The following GARNL3 variants were observed in gnomAD, a reference collection of about 807,000 sequenced individuals.
GARNL3 encodes GTPase-activating Rap/Ran-GAP domain-like protein 3.
GARNL3 carries 63 observed loss-of-function variants against 125.0 expected under a neutral mutation model. The ratio of observed to expected loss-of-function variants is 0.50; its 90% CI spans 0.41 to 0.62. The LOEUF (loss-of-function observed/expected upper bound fraction) is 0.62. GARNL3 is among the 20% of genes least tolerant of loss of function. The pLI is 0.00. For missense variants in GARNL3, 994 were observed against 1,244.0 expected, an observed-to-expected ratio of 0.80 and a Z score of 3.02; for synonymous variants, 439 against 457.5, an observed-to-expected ratio of 0.96 and a Z score of 0.52.
chr9:127,241,765 G>GTTTGT (rs892503182), intron 1 of GARNL3, among the ~76,000 whole-genome samples: 10 of 136,804 alleles, frequency 7.3e-5, no homozygotes, highest in East Asian at 6.1e-4. Flanking sequence ...TTGTTTGTTT[G>GTTTGT]TTTGTTTTGT....
chr9:127,320,834 A>G, intron 6 of GARNL3, 56 bp downstream of exon 6: 1 of 1,155,784 alleles, frequency 8.7e-7, no homozygotes, highest in Non-Finnish European at 1.3e-6. Context: ...GTGTTAGGAT[A>G]GAACTGACAG....
At chr9:127,228,880 G>A (rs1357761809) in intron 1 of GARNL3, among the ~76,000 whole-genome samples, 3 of 152,154 alleles carry the variant, frequency 2.0e-5, no homozygotes, top group African/African-American at 7.2e-5. Flanking sequence ...CTGGAGTACA[G>A]TGGCTCAATC....
At chr9:127,374,158 A>G (rs77030192) in intron 22 of GARNL3, among the ~76,000 whole-genome samples, 6,673 of 151,502 alleles carry the variant, frequency 0.044, 421 homozygotes, top group East Asian at 0.22. Context: ...AAAATTAGCC[A>G]GGCGTGGTGG....
At chr9:127,344,486 G>C in intron 15 of GARNL3, 147 bp downstream of exon 15, 1 of 644,518 alleles carries the variant, frequency 1.6e-6, no homozygotes, top group South Asian at 1.9e-5. Context: ...CCACGAGTGA[G>C]ATTTTTGAGA....
chr9:127,365,045 G>GCTTT (rs1831209031), intron 21 of GARNL3: 1 of 460,978 alleles, frequency 2.2e-6, no homozygotes, highest in Non-Finnish European at 3.8e-6. Flanking sequence ...GCTATGAAAA[G>GCTTT]ATGATGAGAA....
intron 2 of GARNL3, among the ~76,000 whole-genome samples, chr9:127,308,497 T>C (rs991111689): frequency 2.6e-5 from 4 of 151,830 alleles, no homozygotes; most frequent in Non-Finnish European, 5.9e-5. Flanking sequence ...AATTTGCCCA[T>C]GTAACAAGCC....
chr9:127,326,719 T>C (rs892589230), intron 7 of GARNL3, among the ~76,000 whole-genome samples: 1 of 152,184 alleles, frequency 6.6e-6, no homozygotes, highest in Middle Eastern at 3.4e-3. Context: ...ACCAATGTGG[T>C]GGTATTAGGA....
intron 2 of GARNL3, among the ~76,000 whole-genome samples, 199 bp downstream of exon 2, chr9:127,291,441 T>C (rs1434502059): frequency 6.6e-6 from 1 of 152,212 alleles, no homozygotes; most frequent in Non-Finnish European, 1.5e-5. Flanking sequence ...AGATCTATGT[T>C]AAAACCAGGT....
chr9:127,305,118 C>G (rs913386085), intron 2 of GARNL3, among the ~76,000 whole-genome samples: 5 of 152,104 alleles, frequency 3.3e-5, no homozygotes, highest in African/African-American at 4.8e-5. Flanking sequence ...TCTCTTTTGG[C>G]ATGTGGTTGA....
intron 18 of GARNL3, 97 bp downstream of exon 18, chr9:127,354,041 C>A: frequency 1.2e-6 from 1 of 830,014 alleles, no homozygotes; most frequent in Non-Finnish European, 2.0e-6. Context: ...TGCATAAGTT[C>A]TGCCAGCTGT....
chr9:127,323,873 T>C (rs1359353033), intron 6 of GARNL3, among the ~76,000 whole-genome samples: 1 of 152,196 alleles, frequency 6.6e-6, no homozygotes, highest in South Asian at 2.1e-4. Flanking sequence ...AGAGAGAATT[T>C]TGTAATGACA....
At chr9:127,327,271 A>T (rs973344728) in intron 7 of GARNL3, among the ~76,000 whole-genome samples, 4 of 152,212 alleles carry the variant, frequency 2.6e-5, no homozygotes, top group Non-Finnish European at 5.9e-5. Context: ...CTGGTGGGGT[A>T]AGACAAGCTA....
intron 2 of GARNL3, among the ~76,000 whole-genome samples, chr9:127,254,940 C>T (rs535926030): frequency 7.2e-5 from 11 of 152,146 alleles, no homozygotes; most frequent in Admixed American, 4.6e-4. Flanking sequence ...AAATTAAAGC[C>T]GTACCTCAGT....
intron 2 of GARNL3, among the ~76,000 whole-genome samples, chr9:127,298,041 T>G (rs1364481650): frequency 2.0e-5 from 3 of 152,236 alleles, no homozygotes; most frequent in African/African-American, 4.8e-5. Flanking sequence ...TCACACAATT[T>G]ATAGCCGGAA....
rs563425348 is a variant in GARNL3, at chr9:127,333,175, A to G, written c.769+54A>G. On this transcript the variant is annotated intron_variant, in intron 9 of 27. Coordinates refer to ENST00000373387, the MANE Select transcript of GARNL3 (RefSeq NM_032293.5). ...GTAATTTGTATAACTTTTGTAAGTC[A>G]GCCTGACCCGTGTCTGAACTTATAC... 1,881 of 1,411,668 alleles carry G rather than the reference A, an allele frequency of 1.3e-3. 9 individuals are homozygous for G. The highest frequency in any genetic ancestry group is 3.8e-3 in the South Asian group (326 of 86,304). The allele number at this position is 1,411,668 out of a possible 1,614,324, so 87.4% of individuals were successfully genotyped here. A position where few individuals can be genotyped will look rare whatever the true frequency, so the allele number is the denominator to read the frequency against.
At chr9:127,338,609 G>A (rs991293254) in intron 12 of GARNL3, among the ~76,000 whole-genome samples, 7 of 152,188 alleles carry the variant, frequency 4.6e-5, no homozygotes, top group African/African-American at 1.4e-4. Context: ...GAAGCCTCAG[G>A]CCTTCTGTGT....
At chr9:127,320,678 T>C (rs1322610053) in intron 5 of GARNL3, 37 bp from the exon 6 acceptor site, 1 of 1,505,402 alleles carries the variant, frequency 6.6e-7, no homozygotes. Context: ...TTTTAGCTTC[T>C]CTGATGCTGC....
intron 1 of GARNL3, among the ~76,000 whole-genome samples, chr9:127,274,403 A>G (rs1324382835): frequency 6.6e-6 from 1 of 152,222 alleles, no homozygotes; most frequent in Non-Finnish European, 1.5e-5. Flanking sequence ...CCCAGACAAA[A>G]TCAACCTTGG....
intron 22 of GARNL3, among the ~76,000 whole-genome samples, chr9:127,383,154 G>A (rs1222947338): frequency 6.6e-6 from 1 of 152,170 alleles, no homozygotes; most frequent in Non-Finnish European, 1.5e-5. Context: ...TATCTACTTT[G>A]TGAAGTTCTA....
Sources: allele counts gnomAD v4.1 joint callset (sites outside exome capture counted in the v4.1 genomes callset), GRCh38; gene constraint gnomAD v4.1.1; transcripts MANE v1.5; gene names NCBI Gene and HGNC (gene_info 2026-07-23, HGNC 2026-07-21).